The following WDR49 variants were observed in gnomAD, a reference collection of about 807,000 sequenced individuals.
WDR49 encodes WD repeat domain 49.
Under a neutral mutation model 119.5 loss-of-function variants are expected in WDR49, and 107 were observed. The observed-to-expected ratio is 0.90, with a 90% CI of 0.77 to 1.05. The LOEUF (loss-of-function observed/expected upper bound fraction) is 1.05, where lower values mean the gene tolerates loss of function less well. Ranked by LOEUF, WDR49 falls within the 50% of genes least tolerant of loss-of-function variation. The pLI is 0.00. For synonymous variants in WDR49, 425 were observed against 418.8 expected, an observed-to-expected ratio of 1.01 and a Z score of -0.18; for missense variants, 1,240 against 1,220.5, an observed-to-expected ratio of 1.02 and a Z score of -0.24.
At chr3:167,607,334 G>A (rs767315608) in intron 5 of WDR49, among the ~76,000 whole-genome samples, 5 of 152,150 alleles carry the variant, frequency 3.3e-5, no homozygotes, top group Admixed American at 1.3e-4. Context: ...GGCTGCTTCC[G>A]AGGTTTTCAT....
intron 16 of WDR49, among the ~76,000 whole-genome samples, chr3:167,521,713 A>G (rs1465234976): frequency 6.6e-6 from 1 of 152,180 alleles, no homozygotes; most frequent in African/African-American, 2.4e-5. Context: ...ATGAAAGTTA[A>G]GTTATGAGAG....
intron 18 of WDR49, among the ~76,000 whole-genome samples, chr3:167,485,264 G>T (rs1241637458): frequency 6.6e-6 from 1 of 151,908 alleles, no homozygotes; most frequent in East Asian, 1.9e-4. Flanking sequence ...AAACATAGAT[G>T]ATAGGTTGAC....
chr3:167,569,976 G>A (rs73029922), intron 8 of WDR49, among the ~76,000 whole-genome samples: 8,264 of 151,888 alleles, frequency 0.054, 700 homozygotes, highest in African/African-American at 0.19. Context: ...GTATCTGTTC[G>A]TACATGTATG....
At chr3:167,654,547 A>T (rs1337125863), upstream of WDR49, among the ~76,000 whole-genome samples, 4 of 152,222 alleles carry the variant, frequency 2.6e-5, no homozygotes, top group African/African-American at 9.6e-5. Context: ...TGTCTTGTTT[A>T]AGCTTCACAA....
At chr3:167,657,568 A>G (rs1179020201), upstream of WDR49, among the ~76,000 whole-genome samples, 1 of 137,724 alleles carries the variant, frequency 7.3e-6, no homozygotes, top group South Asian at 2.6e-4. Flanking sequence ...CAACATATAG[A>G]TCTCCCTTTT....
Position 167,644,785 on chromosome 3 carries a change from C to A in WDR49, c.165+8476G>T, listed in dbSNP as rs181245492. ...CAGAAAAGCTTTGTCAATTTACAATCTTAGTAAGAGTGCCTATTCCCTTGG... is the reference window on the plus strand; with the variant it reads ...CAGAAAAGCTTTGTCAATTTACAATATTAGTAAGAGTGCCTATTCCCTTGG... On this transcript the variant is annotated intron_variant, in intron 2 of 18. Coordinates refer to ENST00000682715, the MANE Select transcript of WDR49 (RefSeq NM_001366157.1). Among the ~76,000 whole-genome samples, 187 of 152,184 alleles carry A rather than the reference C, an allele frequency of 1.2e-3. 1 individual carries two copies. Among genetic ancestry groups the A allele is most frequent in the Non-Finnish European group, 1.6e-4 (11 of 67,988 alleles).
intron 10 of WDR49, among the ~76,000 whole-genome samples, chr3:167,549,013 G>A (rs551608198): frequency 7.0e-4 from 106 of 152,226 alleles, no homozygotes; most frequent in African/African-American, 2.5e-3. Flanking sequence ...ACCTACAAAG[G>A]ACATGAACTC....
At chr3:167,572,715 G>C (rs1714006484) in intron 8 of WDR49, among the ~76,000 whole-genome samples, 2 of 152,214 alleles carry the variant, frequency 1.3e-5, no homozygotes, top group South Asian at 4.1e-4. Flanking sequence ...AATAAGTTTA[G>C]TTAAGTGTTT....
chr3:167,581,997 C>T (rs1032122062), intron 7 of WDR49, among the ~76,000 whole-genome samples: 2 of 150,318 alleles, frequency 1.3e-5, no homozygotes, highest in Admixed American at 6.6e-5. Flanking sequence ...TATAAAATAA[C>T]AATAAGAAAA....
chr3:167,478,761 T>G lies in WDR49; in HGVS notation c.*117A>C, dbSNP rs1750572118. 3.1e-6 allele frequency: 2 copies of G among 638,742 alleles called. No individual in the cohort carries two copies. The highest frequency in any genetic ancestry group is 2.6e-6 in the Non-Finnish European group (1 of 390,692). The allele number at this position is 638,742 out of a possible 1,614,324, so 39.6% of individuals were successfully genotyped here. ...ATAAAAGCAGTACTAAATTATCCCA[T>G]GAAGAGAAAACTTCCTGAAGTTTAA... On this transcript the variant is annotated 3_prime_UTR_variant, in exon 19 of 19. Transcript: ENST00000682715.
intron 8 of WDR49, chr3:167,566,680 G>A (rs950433688): frequency 5.0e-5 from 20 of 399,870 alleles, no homozygotes; most frequent in South Asian, 1.0e-4. Flanking sequence ...ATATTCTACC[G>A]TTGACCAGAA....
intron 8 of WDR49, among the ~76,000 whole-genome samples, chr3:167,570,498 A>G (rs1713872193): frequency 6.6e-6 from 1 of 152,246 alleles, no homozygotes; most frequent in Non-Finnish European, 1.5e-5. Context: ...TTGGATATGC[A>G]TATGTATACA....
intron 4 of WDR49, among the ~76,000 whole-genome samples, chr3:167,621,056 G>GAAATTGGT (rs1299785135): frequency 6.6e-6 from 1 of 152,038 alleles, no homozygotes; most frequent in African/African-American, 2.4e-5. Context: ...CACTCGGTAG[G>GAAATTGGT]AAATTGGTAC....
chr3:167,497,156 T>A (rs1751385302), intron 18 of WDR49, among the ~76,000 whole-genome samples: 1 of 152,214 alleles, frequency 6.6e-6, no homozygotes, highest in African/African-American at 2.4e-5. Context: ...GGCATTTTCA[T>A]GGAACCTCAT....
At chr3:167,593,072 C>T (rs1027568781) in intron 7 of WDR49, among the ~76,000 whole-genome samples, 2 of 152,080 alleles carry the variant, frequency 1.3e-5, no homozygotes, top group African/African-American at 4.8e-5. Context: ...TTAAATGTCT[C>T]AAGTTAGTAT....
chr3:167,537,393 A>C (rs554586396), intron 10 of WDR49, among the ~76,000 whole-genome samples: 2 of 152,266 alleles, frequency 1.3e-5, no homozygotes, highest in African/African-American at 4.8e-5. Context: ...AATGTTTTGT[A>C]CTTCAAACAA....
At chr3:167,649,158 T>C (rs1026657272) in intron 2 of WDR49, among the ~76,000 whole-genome samples, 1 of 151,950 alleles carries the variant, frequency 6.6e-6, no homozygotes, top group Non-Finnish European at 1.5e-5. Flanking sequence ...AAGGAAGATA[T>C]AAGAATAGTT....
At chr3:167,558,539 T>C (rs559081808) in intron 9 of WDR49, among the ~76,000 whole-genome samples, 1 of 152,346 alleles carries the variant, frequency 6.6e-6, no homozygotes, top group East Asian at 1.9e-4. Flanking sequence ...GCAGTTATTA[T>C]ACTACTAAAT....
intron 15 of WDR49, among the ~76,000 whole-genome samples, chr3:167,526,070 G>A (rs9817674): frequency 0.065 from 9,913 of 151,782 alleles, 413 homozygotes; most frequent in East Asian, 0.17. Flanking sequence ...CTAGAAAACC[G>A]TTTTCCCCAG....
Sources: allele counts gnomAD v4.1 joint callset (sites outside exome capture counted in the v4.1 genomes callset), GRCh38; gene constraint gnomAD v4.1.1; transcripts MANE v1.5; gene names NCBI Gene and HGNC (gene_info 2026-07-23, HGNC 2026-07-21).